C6: variants seen among roughly 807,000 people sequenced by gnomAD.
The protein encoded by C6 is complement component C6.
In C6, 101 loss-of-function variants were observed where a neutral mutation model predicts 112.9. That is an observed-to-expected ratio of 0.89 (90% CI 0.76 to 1.06). C6 has a LOEUF of 1.06. Among genes scored for constraint, C6 ranks in the 50% least tolerant of loss-of-function variants. The probability of loss-of-function intolerance (pLI) is 0.00; values close to 1 mark genes in which losing one functional copy is unlikely to be tolerated. For missense variants in C6, 1,202 were observed against 1,104.6 expected, an observed-to-expected ratio of 1.09 and a Z score of -1.25; for synonymous variants, 431 against 384.1, an observed-to-expected ratio of 1.12 and a Z score of -1.43.
At chr5:41,228,963 C>T (rs768931553) in intron 1 of C6, among the ~76,000 whole-genome samples, 18 of 152,060 alleles carry the variant, frequency 1.2e-4, no homozygotes, top group Non-Finnish European at 1.8e-4. Flanking sequence ...TAGGCTAATG[C>T]TTACATTGTA....
intron 9 of C6, among the ~76,000 whole-genome samples, chr5:41,167,384 A>G (rs201171509): frequency 1.3e-5 from 2 of 152,180 alleles, no homozygotes; most frequent in African/African-American, 4.8e-5. Context: ...AATGTATACA[A>G]CAGCCATTTT....
At chr5:41,256,588 A>G (rs566404251) in intron 1 of C6, among the ~76,000 whole-genome samples, 2 of 152,170 alleles carry the variant, frequency 1.3e-5, no homozygotes, top group South Asian at 2.1e-4. Flanking sequence ...GTTTGATGAC[A>G]GCTAATCTTT....
chr5:41,260,268 CCACA>C (rs145617888), intron 1 of C6, among the ~76,000 whole-genome samples: 1 of 150,810 alleles, frequency 6.6e-6, no homozygotes, highest in Non-Finnish European at 1.5e-5. Flanking sequence ...CACAAACACA[CCACA>C]CACACACACA....
At chr5:41,206,577 A>G (rs1751451746) in intron 1 of C6, among the ~76,000 whole-genome samples, 1 of 152,248 alleles carries the variant, frequency 6.6e-6, no homozygotes, top group Non-Finnish European at 1.5e-5. Context: ...TACATGACGC[A>G]TGCACAAGCT....
At chr5:41,225,803 C>A (rs1190389622) in intron 1 of C6, among the ~76,000 whole-genome samples, 1 of 152,130 alleles carries the variant, frequency 6.6e-6, no homozygotes, top group Non-Finnish European at 1.5e-5. Context: ...TGCCACATAT[C>A]TACAACTATC....
At chr5:41,255,874 T>C (rs1463717308) in intron 1 of C6, among the ~76,000 whole-genome samples, 1 of 152,182 alleles carries the variant, frequency 6.6e-6, no homozygotes, top group South Asian at 2.1e-4. Flanking sequence ...AGGGAATAGT[T>C]CCCAGGTAAG....
intron 8 of C6, chr5:41,172,626 C>T (rs1748524565): frequency 2.0e-6 from 1 of 501,968 alleles, no homozygotes; most frequent in Non-Finnish European, 3.6e-6. Context: ...TTGGCCCTTC[C>T]CATGGGGATG....
rs756671362 is a variant in C6 at position 41,201,637 on chromosome 5, T to A, written c.221A>T (p.Asn74Ile). 2 of 1,613,680 alleles carry A rather than the reference T, an allele frequency of 1.2e-6. No homozygotes were observed. The highest frequency in any genetic ancestry group is 1.1e-5 in the South Asian group (1 of 91,068). Residue 74 changes from asparagine to isoleucine, a missense_variant, in exon 3 of 18, where the codon AAC (asparagine) becomes ATC (isoleucine). Asn to Ile is a moderately radical substitution (Grantham distance 149, BLOSUM62 -3). Coordinates refer to ENST00000337836, the MANE Select transcript of C6 (RefSeq NM_000065.5). ...GCAGTTGATGGGGCATCTTTGCCAG[T>A]TACATTCTCTAGTCTCCTGCTTGCT... ...ICSKQETREC[N>I]WQRCPINCLL...
At chr5:41,207,770 A>G (rs528833926) in intron 1 of C6, among the ~76,000 whole-genome samples, 1 of 152,304 alleles carries the variant, frequency 6.6e-6, no homozygotes, top group Non-Finnish European at 1.5e-5. Context: ...CTCCCACACA[A>G]TAATAATGGG....
At chr5:41,240,239 G>A (rs1740613371) in intron 1 of C6, among the ~76,000 whole-genome samples, 1 of 152,148 alleles carries the variant, frequency 6.6e-6, no homozygotes, top group Non-Finnish European at 1.5e-5. Flanking sequence ...GCTGGAAACA[G>A]GGACACCAGT....
chr5:41,153,645 G>C lies in C6; in HGVS notation c.2290+165C>G, dbSNP rs539405434. Among the ~76,000 whole-genome samples, 11 of 152,284 alleles carry C rather than the reference G, an allele frequency of 7.2e-5. No homozygotes were observed. In the South Asian group the frequency reaches 2.3e-3, roughly 32 times the overall value. On this transcript the variant is annotated intron_variant, in intron 15 of 17. Transcript: ENST00000337836. ...GGACGCAGGATGGCAATGAGCTTAG[G>C]GAATTAGCAGAGCTATTGCATAGTT... is the stretch of plus-strand genomic sequence containing the variant.
chr5:41,209,776 A>G (rs994637367), intron 1 of C6, among the ~76,000 whole-genome samples: 1 of 152,234 alleles, frequency 6.6e-6, no homozygotes, highest in African/African-American at 2.4e-5. Flanking sequence ...AATATCGTGA[A>G]AATGGCCATA....
intron 13 of C6, among the ~76,000 whole-genome samples, chr5:41,157,630 A>G (rs1173435169): frequency 6.6e-6 from 1 of 152,174 alleles, no homozygotes; most frequent in African/African-American, 2.4e-5. Flanking sequence ...CTTGTTCAAG[A>G]GAATTTGTTC....
chr5:41,228,711 A>G (rs990053838), intron 1 of C6, among the ~76,000 whole-genome samples: 1 of 152,144 alleles, frequency 6.6e-6, no homozygotes, highest in South Asian at 2.1e-4. Flanking sequence ...TATTGAGATG[A>G]TAATATGGTT....
At chr5:41,186,493 A>G (rs887058550) in intron 5 of C6, 4 of 385,920 alleles carry the variant, frequency 1.0e-5, no homozygotes, top group Non-Finnish European at 1.4e-5. Context: ...ATAATTTTTT[A>G]TGACTTACAA....
chr5:41,205,320 T>C (rs888454335), intron 1 of C6, among the ~76,000 whole-genome samples: 3 of 152,130 alleles, frequency 2.0e-5, no homozygotes, highest in Non-Finnish European at 4.4e-5. Flanking sequence ...ACACAGAAGA[T>C]GGGTGATTTC....
intron 1 of C6, among the ~76,000 whole-genome samples, chr5:41,218,917 G>A (rs1738994957): frequency 6.6e-6 from 1 of 152,156 alleles, no homozygotes; most frequent in Non-Finnish European, 1.5e-5. Flanking sequence ...TCCTTCTCTT[G>A]TGTTTCATAA....
chr5:41,174,081 C>T (rs1170252243), intron 8 of C6, among the ~76,000 whole-genome samples: 2 of 152,116 alleles, frequency 1.3e-5, no homozygotes, highest in Non-Finnish European at 1.5e-5. Flanking sequence ...TTAACTATAA[C>T]ATAATGAATT....
chr5:41,214,410 A>G (rs1399372727), upstream of C6, among the ~76,000 whole-genome samples: 1 of 152,174 alleles, frequency 6.6e-6, no homozygotes, highest in Non-Finnish European at 1.5e-5. Flanking sequence ...CCCACCACTC[A>G]AAGGTCACAT....
Sources: allele counts gnomAD v4.1 joint callset (sites outside exome capture counted in the v4.1 genomes callset), GRCh38; gene constraint gnomAD v4.1.1; transcripts MANE v1.5; gene names NCBI Gene and HGNC (gene_info 2026-07-23, HGNC 2026-07-21).